ATRNL1: variants seen among roughly 807,000 people sequenced by gnomAD.
ATRNL1 encodes the protein attractin like 1.
Under a neutral mutation model 182.7 loss-of-function variants are expected in ATRNL1, and 95 were observed. The observed-to-expected ratio is 0.52, with a 90% confidence interval of 0.44 to 0.62. The LOEUF (loss-of-function observed/expected upper bound fraction) is 0.62. ATRNL1 is among the 20% of genes least tolerant of loss of function. ATRNL1 has a pLI of 0.00. For missense variants in ATRNL1, 1,471 were observed against 1,679.5 expected, an observed-to-expected ratio of 0.88 and a Z score of 2.17; for synonymous variants, 576 against 568.3, an observed-to-expected ratio of 1.01 and a Z score of -0.19.
intron 12 of ATRNL1, among the ~76,000 whole-genome samples, chr10:115,267,871 G>A (rs1439912824): frequency 6.6e-6 from 1 of 151,998 alleles, no homozygotes; most frequent in Non-Finnish European, 1.5e-5. Context: ...AAGCAATTCT[G>A]CTGCCTTAGC....
At chr10:115,788,703 C>T (rs75694876) in intron 27 of ATRNL1, among the ~76,000 whole-genome samples, 5,921 of 152,256 alleles carry the variant, frequency 0.039, 341 homozygotes, top group African/African-American at 0.12. Context: ...GAAAACCAGT[C>T]CCTGGAAAGT....
chr10:115,859,481 C>G (rs1951262215), intron 28 of ATRNL1, among the ~76,000 whole-genome samples: 1 of 152,074 alleles, frequency 6.6e-6, no homozygotes, highest in Admixed American at 6.6e-5. Flanking sequence ...CCACACAGAG[C>G]CCAGAAAAGG....
chr10:115,150,242 G>T (rs1244844756), intron 5 of ATRNL1, among the ~76,000 whole-genome samples: 5 of 149,364 alleles, frequency 3.3e-5, no homozygotes, highest in African/African-American at 1.2e-4. Flanking sequence ...ATTTTTTTTT[G>T]TTGTTGTTGC....
intron 19 of ATRNL1, among the ~76,000 whole-genome samples, chr10:115,394,026 G>A (rs1245288428): frequency 6.6e-6 from 1 of 152,026 alleles, no homozygotes; most frequent in African/African-American, 2.4e-5. Flanking sequence ...ACTTAAAAGG[G>A]TGAATTTAGA....
intron 20 of ATRNL1, among the ~76,000 whole-genome samples, chr10:115,395,881 A>G (rs1458775279): frequency 6.6e-6 from 1 of 151,724 alleles, no homozygotes; most frequent in Non-Finnish European, 1.5e-5. Context: ...TTATATATGT[A>G]CAAATACATG....
At chr10:115,462,638 T>C (rs781847757) in intron 22 of ATRNL1, among the ~76,000 whole-genome samples, 17 of 151,986 alleles carry the variant, frequency 1.1e-4, no homozygotes, top group Non-Finnish European at 2.4e-4. Context: ...ATAAAACTAA[T>C]GAATTCAAAG....
intron 17 of ATRNL1, among the ~76,000 whole-genome samples, chr10:115,307,342 A>T (rs1202509016): frequency 6.6e-6 from 1 of 152,114 alleles, no homozygotes; most frequent in Admixed American, 6.5e-5. Context: ...GGCCCAGTGC[A>T]ATCTCCGCCT....
intron 27 of ATRNL1, among the ~76,000 whole-genome samples, chr10:115,757,121 G>T (rs550992770): frequency 6.6e-6 from 1 of 152,240 alleles, no homozygotes; most frequent in East Asian, 1.9e-4. Flanking sequence ...CAATTTGCCA[G>T]TCTGTGTCTT....
At chr10:115,128,621 T>G (rs1204360301) in intron 4 of ATRNL1, 2 of 157,072 alleles carry the variant, frequency 1.3e-5, no homozygotes, top group African/African-American at 4.8e-5. Flanking sequence ...GGTCAGGAGA[T>G]CAAGACCATC....
intron 5 of ATRNL1, among the ~76,000 whole-genome samples, chr10:115,133,126 AT>A (rs1845333881): frequency 6.6e-6 from 1 of 152,134 alleles, no homozygotes; most frequent in East Asian, 1.9e-4. Context: ...TAAGGAAGAG[AT>A]CTAGTTTCAG....
intron 13 of ATRNL1, among the ~76,000 whole-genome samples, chr10:115,278,330 A>G (rs1166535768): frequency 1.3e-5 from 2 of 152,244 alleles, no homozygotes; most frequent in African/African-American, 2.4e-5. Flanking sequence ...TTGGGACAAA[A>G]TAAATTTAGC....
chr10:115,379,552 G>A (rs181070560), intron 19 of ATRNL1, among the ~76,000 whole-genome samples: 6 of 152,248 alleles, frequency 3.9e-5, no homozygotes, highest in African/African-American at 1.2e-4. Flanking sequence ...AATATACATC[G>A]TTTTAGTGTA....
intron 24 of ATRNL1, among the ~76,000 whole-genome samples, chr10:115,505,276 G>A (rs1219436832): frequency 2.7e-5 from 2 of 74,610 alleles, no homozygotes; most frequent in Non-Finnish European, 6.3e-5. Context: ...CATGATCTTA[G>A]ACTAGCATGG....
chr10:115,401,648 G>A (rs1844569076), intron 20 of ATRNL1, among the ~76,000 whole-genome samples: 1 of 152,110 alleles, frequency 6.6e-6, no homozygotes, highest in Non-Finnish European at 1.5e-5. Context: ...CCTACCACAT[G>A]TCAATGTATA....
chr10:115,849,220 T>C (rs949922862), intron 28 of ATRNL1, among the ~76,000 whole-genome samples: 16 of 152,200 alleles, frequency 1.1e-4, no homozygotes, highest in African/African-American at 3.9e-4. Context: ...TTCTGCACCT[T>C]TTCATACATT....
Position 115,850,230 on chromosome 10 carries a change from T to C in ATRNL1, c.4018+2239T>C, listed in dbSNP as rs144521523. ...AGGATCTAGGTGCTAGGAATACTGA[T>C]ATTCATTATAAAATTCTTTTAACTT... On this transcript the variant is annotated intron_variant, in intron 28 of 28. Coordinates refer to ENST00000355044, the MANE Select transcript of ATRNL1 (RefSeq NM_207303.4). Among the ~76,000 whole-genome samples the C allele has an allele frequency of 1.1e-4, 17 of 152,290 alleles. No individual in the cohort carries two copies. The East Asian group carries it at 3.3e-3, about 29-fold the overall frequency.
chr10:115,310,311 G>A (rs1240004490), intron 17 of ATRNL1, among the ~76,000 whole-genome samples: 2 of 151,884 alleles, frequency 1.3e-5, no homozygotes, highest in African/African-American at 2.4e-5. Flanking sequence ...GTTTTCTTAT[G>A]TTCTTCCCTG....
intron 1 of ATRNL1, among the ~76,000 whole-genome samples, chr10:115,109,962 A>G (rs1554867451): frequency 1.3e-5 from 2 of 152,200 alleles, no homozygotes; most frequent in Non-Finnish European, 2.9e-5. Context: ...ACAAATTGGT[A>G]TCTGTGACTT....
chr10:115,586,338 C>T (rs1191271047), intron 26 of ATRNL1, among the ~76,000 whole-genome samples: 3 of 90,708 alleles, frequency 3.3e-5, no homozygotes, highest in Non-Finnish European at 7.3e-5. Flanking sequence ...GGATAATATC[C>T]TGCAGAGTGT....
Sources: gnomAD v4.1 joint callset for allele counts (sites outside exome capture counted in the v4.1 genomes callset) on GRCh38, gnomAD v4.1.1 for gene constraint, MANE v1.5 for transcripts, NCBI Gene and HGNC (gene_info 2026-07-23, HGNC 2026-07-21) for gene names.